Variants in NEDD4L observed in about 807,000 individuals in gnomAD.
NEDD4L encodes the protein NEDD4 like E3 ubiquitin protein ligase.
In NEDD4L, 54 loss-of-function variants were observed where a neutral mutation model predicts 148.9. The observed-to-expected ratio is 0.36, with a 90% CI of 0.29 to 0.45. The LOEUF is 0.45. Among genes scored for constraint, NEDD4L ranks in the 20% least tolerant of loss-of-function variants. The probability of loss-of-function intolerance (pLI) is 1.00; values close to 1 mark genes in which losing one functional copy is unlikely to be tolerated. For synonymous variants in NEDD4L, 433 were observed against 440.7 expected (o/e 0.98, Z 0.22); for missense variants, 856 against 1,233.8 (o/e 0.69, Z 4.59).
At chr18:58,328,947 ATCTCAACCACTTCTCT>A (rs771022792) in intron 9 of NEDD4L, 32 bp from the exon 10 acceptor site, 4 of 1,611,904 alleles carry the variant, frequency 2.5e-6, no homozygotes. Flanking sequence ...GAAGGGCCCG[ATCTCAACCACTTCTCT>A]TCTTCTCTTT....
intron 1 of NEDD4L, among the ~76,000 whole-genome samples, chr18:58,111,259 G>T (rs761044398): frequency 1.3e-5 from 2 of 152,088 alleles, no homozygotes; most frequent in Non-Finnish European, 2.9e-5. Context: ...GTAGAGACAG[G>T]GTTTCATCAT....
At chr18:58,134,404 G>A (rs1364481399) in intron 1 of NEDD4L, among the ~76,000 whole-genome samples, 1 of 1,580 alleles carries the variant, frequency 6.3e-4, no homozygotes. Context: ...ACGGAGTCTC[G>A]CTCTGTCGCC....
chr18:58,319,970 A>C (rs1431807703), intron 6 of NEDD4L, among the ~76,000 whole-genome samples: 1 of 152,204 alleles, frequency 6.6e-6, no homozygotes, highest in Admixed American at 6.5e-5. Flanking sequence ...AGATGAGGAC[A>C]CTGAGGCCAA....
intron 2 of NEDD4L, among the ~76,000 whole-genome samples, chr18:58,236,778 C>A (rs1234328116): frequency 6.6e-6 from 1 of 152,172 alleles, no homozygotes; most frequent in Non-Finnish European, 1.5e-5. Flanking sequence ...AATCCCAGCA[C>A]TTTGGGAGGC....
At chr18:58,192,753 G>A (rs748945508) in intron 2 of NEDD4L, among the ~76,000 whole-genome samples, 14 of 152,130 alleles carry the variant, frequency 9.2e-5, no homozygotes, top group Non-Finnish European at 7.3e-5. Flanking sequence ...GCACTGTACT[G>A]GGAGATGAAG....
intron 1 of NEDD4L, among the ~76,000 whole-genome samples, chr18:58,154,984 CA>C (rs2035285442): frequency 6.6e-6 from 1 of 152,106 alleles, no homozygotes; most frequent in Non-Finnish European, 1.5e-5. Flanking sequence ...CATATTATGA[CA>C]ATTCAAAAAT....
intron 2 of NEDD4L, among the ~76,000 whole-genome samples, chr18:58,202,155 C>T (rs932676632): frequency 1.3e-5 from 2 of 152,192 alleles, no homozygotes; most frequent in Non-Finnish European, 2.9e-5. Context: ...GCTCTTCAGG[C>T]CATAAACCTT....
At chr18:58,149,514 C>G (rs2034446560) in intron 1 of NEDD4L, 1 of 1,551,426 alleles carries the variant, frequency 6.4e-7, no homozygotes, top group South Asian at 1.2e-5. Flanking sequence ...TGCACTAAAC[C>G]TTTAATATTG....
chr18:58,287,644 G>A (rs1238055727), intron 5 of NEDD4L, among the ~76,000 whole-genome samples: 1 of 152,112 alleles, frequency 6.6e-6, no homozygotes, highest in Non-Finnish European at 1.5e-5. Flanking sequence ...TGCAATATGC[G>A]GTCTTACAGA....
At chr18:58,391,755 A>C (rs2049865276) in intron 30 of NEDD4L, among the ~76,000 whole-genome samples, 196 bp downstream of exon 30, 1 of 152,262 alleles carries the variant, frequency 6.6e-6, no homozygotes, top group South Asian at 2.1e-4. Flanking sequence ...TGTTTGGCAC[A>C]TAAAGGGCTC....
chr18:58,313,987 G>A (rs2149389292), intron 5 of NEDD4L, among the ~76,000 whole-genome samples: 2 of 152,356 alleles, frequency 1.3e-5, no homozygotes, highest in South Asian at 2.1e-4. Context: ...CACATTAGCA[G>A]CCATAGCAGG....
intron 1 of NEDD4L, 101 bp downstream of exon 1, chr18:58,044,809 G>C (rs2081498571): frequency 6.9e-7 from 1 of 1,441,956 alleles, no homozygotes; most frequent in South Asian, 1.4e-5. Flanking sequence ...CTCGTGCCCA[G>C]CGTCTGCAGG....
intron 2 of NEDD4L, among the ~76,000 whole-genome samples, chr18:58,236,252 G>A (rs2046002656): frequency 6.6e-6 from 1 of 151,930 alleles, no homozygotes; most frequent in South Asian, 2.1e-4. Flanking sequence ...AGCTACTCAG[G>A]AGGCTGAGGT....
chr18:58,326,016 A>G (rs1030540981), intron 9 of NEDD4L, among the ~76,000 whole-genome samples: 1 of 152,234 alleles, frequency 6.6e-6, no homozygotes, highest in African/African-American at 2.4e-5. Flanking sequence ...AATAAAAGCA[A>G]GTCTACTGGG....
intron 1 of NEDD4L, chr18:58,045,022 G>A: frequency 2.4e-6 from 1 of 410,376 alleles, no homozygotes; most frequent in Non-Finnish European, 4.3e-6. Flanking sequence ...TCCTCTCCAA[G>A]CAGCGTCTCC....
chr18:58,044,453 C>A lies in NEDD4L; in HGVS notation c.-208C>A. On this transcript the variant is annotated 5_prime_UTR_variant, in exon 1 of 31. Coordinates refer to ENST00000400345, the MANE Select transcript of NEDD4L (RefSeq NM_001144967.3). Reference sequence around the variant, plus strand: ...GGGAGCCGCCCGCCCGCTGGTCCCGCAGCCTTCCGGGAGGAAGCGGTGCCG... The same window carrying A: ...GGGAGCCGCCCGCCCGCTGGTCCCGAAGCCTTCCGGGAGGAAGCGGTGCCG... The A allele has an allele frequency of 2.0e-6, 1 of 512,130 alleles. No homozygotes were observed. Among genetic ancestry groups the A allele is most frequent in the Non-Finnish European group, 2.9e-6 (1 of 344,296 alleles). The allele number at this position is 512,130 out of a possible 1,614,324, so 31.7% of individuals were successfully genotyped here.
At chr18:58,200,041 C>T (rs2041212809) in intron 2 of NEDD4L, among the ~76,000 whole-genome samples, 1 of 152,162 alleles carries the variant, frequency 6.6e-6, no homozygotes, top group East Asian at 1.9e-4. Context: ...AACAAAATTG[C>T]TGCCATTTTG....
chr18:58,383,717 A>G (rs1316822773), intron 25 of NEDD4L, among the ~76,000 whole-genome samples: 6 of 152,252 alleles, frequency 3.9e-5, no homozygotes, highest in Non-Finnish European at 7.3e-5. Context: ...CTTCTTTTCC[A>G]TAATAGAAAT....
chr18:58,221,391 AC>A (rs1457890065), intron 2 of NEDD4L: 1 of 183,254 alleles, frequency 5.5e-6, no homozygotes, highest in Non-Finnish European at 1.0e-5. Flanking sequence ...ACTGCAGGGA[AC>A]CTGGAGATAA....
Sources: gnomAD v4.1 joint callset for allele counts (sites outside exome capture counted in the v4.1 genomes callset) on GRCh38, gnomAD v4.1.1 for gene constraint, MANE v1.5 for transcripts, NCBI Gene and HGNC (gene_info 2026-07-23, HGNC 2026-07-21) for gene names.